Variants in SNX11 observed in about 807,000 individuals in gnomAD.
SNX11 encodes the protein sorting nexin 11.
Under a neutral mutation model 30.7 loss-of-function variants are expected in SNX11, and 19 were observed. That is an observed-to-expected ratio of 0.62 (90% CI 0.43 to 0.91). The LOEUF (loss-of-function observed/expected upper bound fraction) is 0.91. Among genes scored for constraint, SNX11 ranks in the 40% least tolerant of loss-of-function variants. SNX11 has a pLI of 0.00. For synonymous variants in SNX11, 112 were observed against 119.0 expected (o/e 0.94, Z 0.38); for missense variants, 302 against 326.7 (o/e 0.92, Z 0.58).
intron 4 of SNX11, among the ~76,000 whole-genome samples, chr17:48,116,517 C>T (rs1298368457): frequency 1.3e-5 from 2 of 151,942 alleles, no homozygotes; most frequent in Non-Finnish European, 1.5e-5. Flanking sequence ...CTGCGTCCCA[C>T]TCCAGTTTCT....
At chr17:48,112,334 C>T in intron 2 of SNX11, 3 of 626,016 alleles carry the variant, frequency 4.8e-6, no homozygotes, top group Non-Finnish European at 8.6e-6. Flanking sequence ...GGGGCAGGCA[C>T]TTACGTCTCT....
At chr17:48,112,179 C>T in intron 2 of SNX11, 94 bp downstream of exon 2, 1 of 1,105,450 alleles carries the variant, frequency 9.0e-7, no homozygotes. Context: ...TTAATTATTA[C>T]CTGCAGTATT....
At position 48,123,052 on chromosome 17, in the gene SNX11, G is replaced by T. The variant is rs1357074439; in HGVS notation, c.*1544G>T. ...TGCCAGGTGCTGAAAGAGAAATAAA[G>T]TTTGTCAACAGGCAGATGCAAAGCC... is the stretch of plus-strand genomic sequence containing the variant. On this transcript the variant is annotated 3_prime_UTR_variant, in exon 7 of 7. Transcript: ENST00000359238. 1 of 152,170 alleles carries T rather than the reference G, an allele frequency of 6.6e-6. No individual in the cohort carries two copies. The highest frequency in any genetic ancestry group is 1.5e-5 in the Non-Finnish European group (1 of 68,072). The allele number at this position is 152,170 out of a possible 1,614,324, so 9.4% of individuals were successfully genotyped here.
chr17:48,114,684 CT>C (rs35097487), intron 4 of SNX11, among the ~76,000 whole-genome samples: 26 of 112,866 alleles, frequency 2.3e-4, no homozygotes, highest in Non-Finnish European at 2.5e-4. Context: ...GTTTTTTTTG[CT>C]TTTTTTTTTT....
At chr17:48,115,113 G>A (rs1042321816) in intron 4 of SNX11, among the ~76,000 whole-genome samples, 4 of 148,664 alleles carry the variant, frequency 2.7e-5, no homozygotes, top group Non-Finnish European at 5.9e-5. Flanking sequence ...CCAGGCTGGA[G>A]TACAATGGTG....
At chr17:48,115,816 TG>T (rs1372837651) in intron 4 of SNX11, among the ~76,000 whole-genome samples, 1 of 152,104 alleles carries the variant, frequency 6.6e-6, no homozygotes, top group Admixed American at 6.5e-5. Flanking sequence ...TTAGTTAACA[TG>T]TGGAACTGAT....
At chr17:48,111,502 C>T (rs994428055) in intron 1 of SNX11, among the ~76,000 whole-genome samples, 6 of 152,108 alleles carry the variant, frequency 3.9e-5, no homozygotes, top group African/African-American at 1.4e-4. Context: ...ACAAAATTAG[C>T]TGGGTGTGGT....
At chr17:48,115,999 G>A (rs2063542408) in intron 4 of SNX11, among the ~76,000 whole-genome samples, 1 of 149,746 alleles carries the variant, frequency 6.7e-6, no homozygotes, top group African/African-American at 2.5e-5. Flanking sequence ...CGGTCGCGGT[G>A]GCTCACGCCC....
chr17:48,113,267 C>T, intron 3 of SNX11, 34 bp from the exon 4 acceptor site: 1 of 1,548,540 alleles, frequency 6.5e-7, no homozygotes, highest in Non-Finnish European at 8.9e-7. Flanking sequence ...TCCACTAAAC[C>T]CTTTTCATGT....
intron 4 of SNX11, 141 bp downstream of exon 4, chr17:48,113,542 T>C (rs368352788): frequency 1.3e-5 from 8 of 597,070 alleles, no homozygotes; most frequent in African/African-American, 1.1e-4. Context: ...TTTTTTTGTT[T>C]TTTGGGTTTT....
chr17:48,116,546 G>C (rs2063547424), intron 4 of SNX11, among the ~76,000 whole-genome samples: 1 of 150,606 alleles, frequency 6.6e-6, no homozygotes, highest in Non-Finnish European at 1.5e-5. Context: ...AAAAATAATA[G>C]TTGATGGTGG....
intron 1 of SNX11, among the ~76,000 whole-genome samples, chr17:48,111,292 T>C (rs2063489413): frequency 6.6e-6 from 1 of 152,050 alleles, no homozygotes; most frequent in Non-Finnish European, 1.5e-5. Flanking sequence ...GAAGCATTGG[T>C]GTTTGTGGGG....
intron 4 of SNX11, 108 bp from the exon 5 acceptor site, chr17:48,118,596 T>A: frequency 1.3e-5 from 9 of 666,864 alleles, no homozygotes; most frequent in South Asian, 4.1e-5. Context: ...AAAAAAAAGC[T>A]ATTTGTATTG....
At position 48,118,998 on chromosome 17, in the gene SNX11, G is replaced by C. The variant is rs749923271; in HGVS notation, c.351G>C (p.Leu117=). Residue 117 remains leucine (L), a synonymous_variant, in exon 6 of 7, where the codon CTG becomes CTC. Transcript: ENST00000359238. The part of the protein sequence containing the change: ...LEKVLQSVVL[L]SDSQLHLFLQ... ...GGGTCCTGCAGAGTGTGGTTCTCCT[G>C]TCAGACAGCCAGTTGCACCTATTCC... 6.2e-6 allele frequency: 10 copies of C among 1,613,944 alleles called. No individual in the cohort carries two copies. The highest frequency in any genetic ancestry group is 5.3e-5 in the African/African-American group (4 of 74,886).
chr17:48,114,086 A>G (rs1598332892), intron 4 of SNX11, among the ~76,000 whole-genome samples: 1 of 142,168 alleles, frequency 7.0e-6, no homozygotes, highest in Non-Finnish European at 1.5e-5. Flanking sequence ...AAATTCCTGG[A>G]CTCAAGTGAT....
intron 4 of SNX11, among the ~76,000 whole-genome samples, chr17:48,117,607 G>C (rs1420501681): frequency 2.0e-5 from 3 of 151,800 alleles, no homozygotes; most frequent in African/African-American, 7.3e-5. Flanking sequence ...GCCCAAGCTG[G>C]TCTTGAACTC....
At chr17:48,112,696 T>G (rs1183871329) in intron 3 of SNX11, 36 bp downstream of exon 3, 3 of 1,394,296 alleles carry the variant, frequency 2.2e-6, no homozygotes, top group Non-Finnish European at 3.0e-6. Flanking sequence ...GGGTCAGCGC[T>G]CTGCAGGGCT....
chr17:48,115,630 A>G (rs1324698868), intron 4 of SNX11, among the ~76,000 whole-genome samples: 2 of 152,034 alleles, frequency 1.3e-5, no homozygotes, highest in African/African-American at 4.8e-5. Flanking sequence ...CTCTTTTAAT[A>G]CAGAGGTCCT....
chr17:48,115,225 C>A (rs938206386), intron 4 of SNX11, among the ~76,000 whole-genome samples: 20 of 151,748 alleles, frequency 1.3e-4, no homozygotes, highest in African/African-American at 4.8e-4. Context: ...CCACGCCCAG[C>A]TAATTTTTGT....
Sources: allele counts gnomAD v4.1 joint callset (sites outside exome capture counted in the v4.1 genomes callset), GRCh38; gene constraint gnomAD v4.1.1; transcripts MANE v1.5; gene names NCBI Gene and HGNC (gene_info 2026-07-23, HGNC 2026-07-21).